Variants in RAPGEF1 observed in about 807,000 individuals in gnomAD.
RAPGEF1 encodes the protein CRK SH3-binding GNRP.
A neutral mutation model predicts 143.3 loss-of-function variants in RAPGEF1; 33 were observed. The observed-to-expected ratio is 0.23, with a 90% CI of 0.17 to 0.31. RAPGEF1 has a LOEUF of 0.31. RAPGEF1 is among the 10% of genes least tolerant of loss of function. RAPGEF1 has a pLI of 1.00. For synonymous variants in RAPGEF1, 629 were observed against 676.5 expected, an observed-to-expected ratio of 0.93 and a Z score of 1.09; for missense variants, 1,199 against 1,645.4, an observed-to-expected ratio of 0.73 and a Z score of 4.69.
chr9:131,659,728 T>C (rs1433299714), intron 1 of RAPGEF1, among the ~76,000 whole-genome samples: 1 of 152,238 alleles, frequency 6.6e-6, no homozygotes, highest in Non-Finnish European at 1.5e-5. Flanking sequence ...ATTATTGTCA[T>C]GTGATAACCT....
intron 1 of RAPGEF1, among the ~76,000 whole-genome samples, chr9:131,728,319 T>G (rs1231296606): frequency 6.6e-6 from 1 of 152,190 alleles, no homozygotes; most frequent in Non-Finnish European, 1.5e-5. Context: ...TCTGTGATCA[T>G]TTCACCTCCA....
chr9:131,602,288 G>C (rs1956402526), intron 14 of RAPGEF1, 139 bp from the exon 15 acceptor site: 8 of 607,460 alleles, frequency 1.3e-5, no homozygotes, highest in African/African-American at 1.8e-5. Flanking sequence ...AATTAAAGAT[G>C]AATGCCGTTA....
chr9:131,739,938 C>T lies in RAPGEF1; in HGVS notation c.-108G>A. On this transcript the variant is annotated 5_prime_UTR_variant, in exon 1 of 27. Transcript: ENST00000683357. ...CCGCGCCGGCATGGCGGGCTCCGCGCGGCCGCGGCCCTGCGCTCGGCGACC... is the reference window on the plus strand; with the variant it reads ...CCGCGCCGGCATGGCGGGCTCCGCGTGGCCGCGGCCCTGCGCTCGGCGACC... The T allele has an allele frequency of 1.6e-6, 1 of 629,086 alleles. No individual in the cohort carries two copies. The highest frequency in any genetic ancestry group is 2.0e-6 in the Non-Finnish European group (1 of 507,656). The allele number at this position is 629,086 out of a possible 1,614,324, so 39.0% of individuals were successfully genotyped here.
chr9:131,737,583 T>C, intron 1 of RAPGEF1: 1 of 1,527,156 alleles, frequency 6.5e-7, no homozygotes, highest in East Asian at 2.4e-5. Context: ...CAGGTCTTTC[T>C]CCCAAATAGC....
At position 131,675,735 on chromosome 9, in the gene RAPGEF1, C is replaced by T. The variant is rs74350401; in HGVS notation, c.62-24786G>A. 5.6e-4 allele frequency among the ~76,000 whole-genome samples: 86 copies of T among 152,332 alleles called. 1 individual carries two copies. In the East Asian group the frequency reaches 0.011, roughly 20 times the overall value. On this transcript the variant is annotated intron_variant, in intron 1 of 26. Coordinates refer to ENST00000683357, the MANE Select transcript of RAPGEF1 (RefSeq NM_001377935.1). The surrounding 1 kb of genome is among the most constrained non-coding windows in gnomAD (Gnocchi z 4.6). ...AGGAGCTAGTCTACTTCTTGCTCCT[C>T]AAAAGATAGCCTGTAATTTACTGAG...
intron 14 of RAPGEF1, among the ~76,000 whole-genome samples, chr9:131,603,380 C>T (rs998076102): frequency 4.6e-5 from 7 of 152,300 alleles, no homozygotes; most frequent in South Asian, 2.1e-4. Flanking sequence ...ACTGCTGTAC[C>T]GCGATGGTCG....
intron 11 of RAPGEF1, among the ~76,000 whole-genome samples, chr9:131,619,668 A>G (rs1960176434): frequency 1.3e-5 from 2 of 152,184 alleles, no homozygotes; most frequent in African/African-American, 4.8e-5. Flanking sequence ...CAGGTTTTCC[A>G]TCTGTAAAAT....
intron 10 of RAPGEF1, among the ~76,000 whole-genome samples, chr9:131,623,296 TAAAAAGA>T (rs138661801): frequency 0.022 from 3,411 of 151,918 alleles, 127 homozygotes; most frequent in African/African-American, 0.077. Context: ...CCCCCGTCTC[TAAAAAGA>T]AAAAAGAAAA....
At chr9:131,659,739 C>T (rs925820974) in intron 1 of RAPGEF1, among the ~76,000 whole-genome samples, 3 of 152,206 alleles carry the variant, frequency 2.0e-5, no homozygotes, top group East Asian at 1.9e-4. Context: ...GTGATAACCT[C>T]GTCAGGTCTC....
chr9:131,600,324 C>T (rs371370247), intron 15 of RAPGEF1, among the ~76,000 whole-genome samples: 21 of 152,146 alleles, frequency 1.4e-4, no homozygotes, highest in East Asian at 5.8e-4. Context: ...ACTCTGAAGA[C>T]GATACTTTGG....
chr9:131,626,064 G>A lies in RAPGEF1; in HGVS notation c.1560C>T (p.Pro520=), dbSNP rs1962921248. The A allele has an allele frequency of 1.2e-6, 2 of 1,613,780 alleles. No homozygotes were observed. Among genetic ancestry groups the A allele is most frequent in the African/African-American group, 1.3e-5 (1 of 74,934 alleles). Residue 520 remains proline (P), a synonymous_variant, in exon 10 of 27, where the codon CCC becomes CCT. Coordinates refer to ENST00000683357, the MANE Select transcript of RAPGEF1 (RefSeq NM_001377935.1). ...GCAGAATAGCAGCAAAGGGCGCGTA[G>A]GGGACGGATGGGATCGGGGCTGTGC... ...LQSTAPIPSV[P]YAPFAAILPF... is the part of the protein sequence containing the mutation.
At chr9:131,640,754 C>T (rs1356971307) in intron 4 of RAPGEF1, among the ~76,000 whole-genome samples, 1 of 152,196 alleles carries the variant, frequency 6.6e-6, no homozygotes, top group Admixed American at 6.5e-5. Context: ...GGACCCCCCA[C>T]TCCCTGCCCC....
At chr9:131,733,955 T>C (rs574851544) in intron 1 of RAPGEF1, among the ~76,000 whole-genome samples, 1 of 152,290 alleles carries the variant, frequency 6.6e-6, no homozygotes, top group East Asian at 1.9e-4. Flanking sequence ...ACATTTGGGG[T>C]TGCTGTGGTT....
At chr9:131,623,290 C>T (rs1031981323) in intron 10 of RAPGEF1, among the ~76,000 whole-genome samples, 18 of 151,632 alleles carry the variant, frequency 1.2e-4, no homozygotes, top group Non-Finnish European at 5.9e-5. Flanking sequence ...GTGAGACCCC[C>T]GTCTCTAAAA....
At chr9:131,616,297 A>C (rs111348346) in intron 12 of RAPGEF1, among the ~76,000 whole-genome samples, 116 of 152,110 alleles carry the variant, frequency 7.6e-4, no homozygotes, top group African/African-American at 2.6e-3. Flanking sequence ...AAAAGCCATG[A>C]CGCACTCAGA....
Position 131,584,479 on chromosome 9 carries a change from C to G in RAPGEF1, c.3312+39G>C. The G allele has an allele frequency of 6.2e-7, 1 of 1,613,448 alleles. No homozygotes were observed. The highest frequency in any genetic ancestry group is 8.5e-7 in the Non-Finnish European group (1 of 1,179,348). On this transcript the variant is annotated intron_variant, in intron 23 of 26. Transcript: ENST00000683357. The surrounding 1 kb of genome is among the most constrained non-coding windows in gnomAD (Gnocchi z 6.8). ...GGGTCCCGGGCTCCCAGAGCAGGGA[C>G]TGATGATGGGGGCCTGGGAAGGACT...
chr9:131,696,970 A>T (rs1834232909), intron 1 of RAPGEF1, among the ~76,000 whole-genome samples: 1 of 152,260 alleles, frequency 6.6e-6, no homozygotes, highest in South Asian at 2.1e-4. Flanking sequence ...AGGTGTAATT[A>T]GTTGCCTTCA....
chr9:131,619,280 G>T, intron 11 of RAPGEF1, 74 bp from the exon 12 acceptor site: 1 of 1,218,218 alleles, frequency 8.2e-7, no homozygotes, highest in Non-Finnish European at 1.1e-6. Context: ...GTCCGTGCAG[G>T]GAAAGGCCGT....
chr9:131,711,361 CTT>C (rs71374121), intron 1 of RAPGEF1, among the ~76,000 whole-genome samples: 9 of 130,262 alleles, frequency 6.9e-5, no homozygotes, highest in Admixed American at 1.6e-4. Flanking sequence ...CTATTATCAC[CTT>C]TTTTTTTTTT....
Sources: gnomAD v4.1 joint callset for allele counts (sites outside exome capture counted in the v4.1 genomes callset) on GRCh38, gnomAD v4.1.1 for gene constraint, Gnocchi (gnomAD v3.1) non-coding constraint, MANE v1.5 for transcripts, NCBI Gene and HGNC (gene_info 2026-07-23, HGNC 2026-07-21) for gene names.